ARHGAP15: variants seen among roughly 807,000 people sequenced by gnomAD.
The protein encoded by ARHGAP15 is rho GTPase-activating protein 15.
ARHGAP15 carries 51 observed loss-of-function variants against 63.7 expected under a neutral mutation model. The ratio of observed to expected loss-of-function variants is 0.80; its 90% confidence interval spans 0.64 to 1.01. ARHGAP15 has a LOEUF of 1.01. Among genes scored for constraint, ARHGAP15 ranks in the 50% least tolerant of loss-of-function variants. ARHGAP15 has a pLI of 0.00. For missense variants in ARHGAP15, 560 were observed against 564.6 expected (o/e 0.99, Z 0.08); for synonymous variants, 191 against 193.8 (o/e 0.99, Z 0.12).
At chr2:143,492,025 G>A (rs1350031547) in intron 9 of ARHGAP15, among the ~76,000 whole-genome samples, 1 of 152,066 alleles carries the variant, frequency 6.6e-6, no homozygotes, top group African/African-American at 2.4e-5. Flanking sequence ...GGGACTATAG[G>A]TGCACACCAC....
chr2:143,226,200 C>T (rs995394152), intron 4 of ARHGAP15, among the ~76,000 whole-genome samples: 1 of 152,182 alleles, frequency 6.6e-6, no homozygotes, highest in African/African-American at 2.4e-5. Flanking sequence ...GAGATAATTG[C>T]GTTTCATGCA....
rs149533820 is a variant in ARHGAP15, at chr2:143,393,334, A to G, written c.475-42267A>G. Among the ~76,000 whole-genome samples the G allele has an allele frequency of 8.1e-3, 1,227 of 152,320 alleles. 16 individuals are homozygous for G. The highest frequency in any genetic ancestry group is 0.028 in the African/African-American group (1,176 of 41,574). Reference sequence around the variant, plus strand: ...ATTTGTCCACTAGATAGACATCATTATTAATATTATTAAGAAGAATGCTAG... The same window carrying G: ...ATTTGTCCACTAGATAGACATCATTGTTAATATTATTAAGAAGAATGCTAG... On this transcript the variant is annotated intron_variant, in intron 6 of 13. Coordinates refer to ENST00000295095, the MANE Select transcript of ARHGAP15 (RefSeq NM_018460.4).
chr2:143,522,782 G>A (rs538468543), intron 10 of ARHGAP15, among the ~76,000 whole-genome samples: 1 of 152,268 alleles, frequency 6.6e-6, no homozygotes, highest in South Asian at 2.1e-4. Context: ...CCTGGGCCAT[G>A]GGTTGGGAAA....
At chr2:143,276,365 G>C (rs917146316) in intron 6 of ARHGAP15, among the ~76,000 whole-genome samples, 2 of 152,090 alleles carry the variant, frequency 1.3e-5, no homozygotes, top group Non-Finnish European at 2.9e-5. Context: ...ATTTACAGAG[G>C]GATTAGTTAC....
intron 12 of ARHGAP15, among the ~76,000 whole-genome samples, chr2:143,676,812 CA>C (rs1242835445): frequency 1.3e-5 from 2 of 152,088 alleles, no homozygotes; most frequent in Non-Finnish European, 2.9e-5. Flanking sequence ...AAAATGGGCA[CA>C]TACTACTGGG....
intron 6 of ARHGAP15, among the ~76,000 whole-genome samples, chr2:143,425,203 T>C (rs917251909): frequency 9.2e-5 from 14 of 152,136 alleles, no homozygotes; most frequent in Admixed American, 4.6e-4. Flanking sequence ...TGGAGTGATA[T>C]GTCATTCCAG....
At chr2:143,676,926 G>A (rs75035758) in intron 12 of ARHGAP15, among the ~76,000 whole-genome samples, 3 of 152,288 alleles carry the variant, frequency 2.0e-5, no homozygotes, top group East Asian at 3.9e-4. Context: ...TCTGCAAAGT[G>A]CAATAAAGCA....
At chr2:143,491,978 T>C (rs868556529) in intron 9 of ARHGAP15, among the ~76,000 whole-genome samples, 18 of 152,082 alleles carry the variant, frequency 1.2e-4, no homozygotes, top group Non-Finnish European at 4.4e-5. Flanking sequence ...GCCTCCCAGG[T>C]TCAAGCAATT....
At chr2:143,278,732 ATCT>A (rs1036629248) in intron 6 of ARHGAP15, among the ~76,000 whole-genome samples, 56 of 152,206 alleles carry the variant, frequency 3.7e-4, no homozygotes, top group African/African-American at 1.3e-3. Context: ...AATACAAGAA[ATCT>A]TCTTATTTAT....
At chr2:143,130,124 C>A (rs1269327447) in intron 1 of ARHGAP15, among the ~76,000 whole-genome samples, 1 of 152,040 alleles carries the variant, frequency 6.6e-6, no homozygotes, top group Non-Finnish European at 1.5e-5. Context: ...CAGCTGATTT[C>A]ATTGAAGGTT....
intron 6 of ARHGAP15, among the ~76,000 whole-genome samples, chr2:143,373,791 G>A (rs1686683774): frequency 6.6e-6 from 1 of 152,054 alleles, no homozygotes; most frequent in South Asian, 2.1e-4. Flanking sequence ...GAGACATATA[G>A]TACCTAGGGT....
chr2:143,475,192 A>G (rs976555442), intron 8 of ARHGAP15, among the ~76,000 whole-genome samples: 1 of 152,238 alleles, frequency 6.6e-6, no homozygotes, highest in African/African-American at 2.4e-5. Flanking sequence ...AGAGCCAAGT[A>G]TTCACCGGGC....
chr2:143,537,331 C>T (rs1433695183), intron 10 of ARHGAP15, among the ~76,000 whole-genome samples: 2 of 152,084 alleles, frequency 1.3e-5, no homozygotes, highest in Non-Finnish European at 2.9e-5. Context: ...TGTAGGTTGC[C>T]TGTTCACTCT....
chr2:143,305,962 A>G (rs1189223019), intron 6 of ARHGAP15, among the ~76,000 whole-genome samples: 2 of 152,162 alleles, frequency 1.3e-5, no homozygotes, highest in African/African-American at 4.8e-5. Flanking sequence ...TGCACTGTGT[A>G]TCTTACAAAC....
intron 5 of ARHGAP15, among the ~76,000 whole-genome samples, chr2:143,235,684 C>T (rs368659511): frequency 3.3e-5 from 5 of 152,136 alleles, no homozygotes; most frequent in African/African-American, 1.2e-4. Context: ...GCTCCTTCTT[C>T]GAGGCTCTTC....
intron 13 of ARHGAP15, among the ~76,000 whole-genome samples, chr2:143,733,491 C>G (rs968764974): frequency 1.3e-5 from 2 of 151,064 alleles, no homozygotes; most frequent in African/African-American, 4.9e-5. Flanking sequence ...ACCCAAGAAC[C>G]CAGACTTCAA....
At chr2:143,159,305 G>A (rs1464414057) in intron 2 of ARHGAP15, among the ~76,000 whole-genome samples, 1 of 151,840 alleles carries the variant, frequency 6.6e-6, no homozygotes, top group African/African-American at 2.4e-5. Flanking sequence ...GTGATTATAG[G>A]ATACTTGCCA....
At chr2:143,159,136 A>G (rs1690194342) in intron 2 of ARHGAP15, among the ~76,000 whole-genome samples, 1 of 151,874 alleles carries the variant, frequency 6.6e-6, no homozygotes, top group Non-Finnish European at 1.5e-5. Flanking sequence ...ATGAACAGGA[A>G]AATATTTTTT....
At chr2:143,498,360 G>A (rs1459512114) in intron 9 of ARHGAP15, among the ~76,000 whole-genome samples, 1 of 152,032 alleles carries the variant, frequency 6.6e-6, no homozygotes, top group Non-Finnish European at 1.5e-5. Context: ...CTGTGGGAGG[G>A]AGGCAAGAGG....
Sources: allele counts gnomAD v4.1 joint callset (sites outside exome capture counted in the v4.1 genomes callset), GRCh38; gene constraint gnomAD v4.1.1; transcripts MANE v1.5; gene names NCBI Gene and HGNC (gene_info 2026-07-23, HGNC 2026-07-21).